GCC2: variants seen among roughly 807,000 people sequenced by gnomAD.
The protein encoded by GCC2 is GRIP and coiled-coil domain-containing protein 2.
GCC2 carries 120 observed loss-of-function variants against 210.6 expected under a neutral mutation model. The ratio of observed to expected loss-of-function variants is 0.57; its 90% CI spans 0.49 to 0.66. GCC2 has a LOEUF of 0.66. GCC2 is among the 30% of genes least tolerant of loss of function. GCC2 has a pLI of 0.00. For synonymous variants in GCC2, 703 were observed against 652.7 expected (o/e 1.08, Z -1.17); for missense variants, 1,868 against 1,871.9 (o/e 1.00, Z 0.04).
At chr2:108,451,906 C>T (rs1230701268) in intron 3 of GCC2, among the ~76,000 whole-genome samples, 2 of 147,574 alleles carry the variant, frequency 1.4e-5, no homozygotes, top group Non-Finnish European at 3.0e-5. Flanking sequence ...TGCAGTGGCG[C>T]AATCTCGGCT....
intron 4 of GCC2, 85 bp from the exon 5 acceptor site, chr2:108,468,895 G>A: frequency 1.2e-6 from 1 of 816,594 alleles, no homozygotes; most frequent in South Asian, 1.5e-5. Flanking sequence ...ACTTCAGTGT[G>A]TTTTGAAAAG....
intron 21 of GCC2, among the ~76,000 whole-genome samples, chr2:108,498,183 CTTTTTTTTTTT>C (rs3084885): frequency 1.7e-4 from 10 of 57,476 alleles, no homozygotes; most frequent in African/African-American, 5.1e-4. Flanking sequence ...GTTATATTTT[CTTTTTTTTTTT>C]TTTTTTTTTT....
Position 108,484,093 on chromosome 2 carries a change from AT to A in GCC2, c.3451-53del, listed in dbSNP as rs1682007630. 3.2e-6 allele frequency: 4 copies of A among 1,243,644 alleles called. No individual in the cohort carries two copies. The Admixed American group carries it at 1.1e-4, about 35-fold the overall frequency. The allele number at this position is 1,243,644 out of a possible 1,614,324, so 77.0% of individuals were successfully genotyped here. A position where few individuals can be genotyped will look rare whatever the true frequency, so the allele number is the denominator to read the frequency against. ...AGCAATTTTACAAATGAAAAAAAAAATTTACAAATGAACTGATCTACTATTG... is the reference window on the plus strand; with the variant it reads ...AGCAATTTTACAAATGAAAAAAAAAATTACAAATGAACTGATCTACTATTG... On this transcript the variant is annotated intron_variant, in intron 12 of 22. Coordinates refer to ENST00000309863, the MANE Select transcript of GCC2 (RefSeq NM_181453.4).
intron 16 of GCC2, among the ~76,000 whole-genome samples, 197 bp from the exon 17 acceptor site, chr2:108,487,502 A>G (rs1682201904): frequency 6.6e-6 from 1 of 152,232 alleles, no homozygotes; most frequent in African/African-American, 2.4e-5. Flanking sequence ...ATTATGTATC[A>G]ATTAAAAAGA....
Position 108,452,453 on chromosome 2 carries a change from G to A in GCC2, c.203G>A (p.Gly68Asp), listed in dbSNP as rs894902332. Residue 68 changes from glycine (G) to aspartate (D), a missense_variant, in exon 4 of 23, where the codon GGT becomes GAT. By Grantham distance (94) the Gly-to-Asp change is moderately conservative (BLOSUM62 -1). Around this residue, in one of 3 missense-constraint regions of GCC2, gnomAD observed 1,847 missense variants for 1,765.2 expected, o/e 1.05. Transcript: ENST00000309863. Reference protein sequence around the residue: ...LRSKPVTEGTGDIIKALTERL... With the variant: ...LRSKPVTEGTDDIIKALTERL... ...TCAAAACCTGTTACTGAAGGAACTGGTGATATTATTAAGGTAATTATTACG... is the reference window on the plus strand; with the variant it reads ...TCAAAACCTGTTACTGAAGGAACTGATGATATTATTAAGGTAATTATTACG... 6 of 1,539,450 alleles carry A rather than the reference G, an allele frequency of 3.9e-6. No homozygotes were observed. The highest frequency in any genetic ancestry group is 5.4e-6 in the Non-Finnish European group (6 of 1,112,674).
In GCC2 at chr2:108,508,893, CTTAA is replaced by C. The variant is rs1252631114; in HGVS notation, c.*1266_*1269del. 1 of 152,626 alleles carries C rather than the reference CTTAA, an allele frequency of 6.6e-6. No homozygotes were observed. Among genetic ancestry groups the C allele is most frequent in the Non-Finnish European group, 1.5e-5 (1 of 68,028 alleles). The allele number at this position is 152,626 out of a possible 1,614,324, so 9.5% of individuals were successfully genotyped here. A position where few individuals can be genotyped will look rare whatever the true frequency, so the allele number is the denominator to read the frequency against. The stretch of plus-strand genomic sequence containing the variant: ...TTCTCTTAAGCCTTCAGTTTATACT[CTTAA>C]TTTAATTTTCTTTCTGAGCTGGAGA... On this transcript the variant is annotated 3_prime_UTR_variant, in exon 23 of 23. Transcript: ENST00000309863.
At chr2:108,497,224 C>G in intron 21 of GCC2, 115 bp downstream of exon 21, 6 of 1,553,446 alleles carry the variant, frequency 3.9e-6, no homozygotes, top group Middle Eastern at 2.3e-4. Context: ...TCACGCCATT[C>G]TCCTGCCTCA....
Position 108,470,405 on chromosome 2 carries a change from A to G in GCC2, c.1076A>G (p.Asn359Ser), listed in dbSNP as rs1481644642. 1.9e-6 allele frequency: 3 copies of G among 1,607,884 alleles called. No homozygotes were observed. The highest frequency in any genetic ancestry group is 1.3e-5 in the African/African-American group (1 of 74,750). ...SILKDEVTYMNNLKLKLEMDA... is the reference protein window; with the variant it reads ...SILKDEVTYMSNLKLKLEMDA... ...TTAAAAGATGAGGTAACTTATATGA[A>G]TAATCTTAAGTTAAAACTTGAAATG... Residue 359 changes from asparagine to serine, a missense_variant, in exon 6 of 23, where the codon AAT becomes AGT. By Grantham distance (46) the Asn-to-Ser change is conservative. Around this residue, in one of 3 missense-constraint regions of GCC2, gnomAD observed 1,847 missense variants for 1,765.2 expected, o/e 1.05. Coordinates refer to ENST00000309863, the MANE Select transcript of GCC2 (RefSeq NM_181453.4).
At chr2:108,449,890 T>C (rs1346893671) in intron 2 of GCC2, 1 of 575,478 alleles carries the variant, frequency 1.7e-6, no homozygotes, top group Non-Finnish European at 3.1e-6. Context: ...TTTTGTTTGC[T>C]TCCTGCTCCT....
At position 108,473,088 on chromosome 2, in the gene GCC2, T is replaced by C. The variant is rs192859604; in HGVS notation, c.2860+189T>C. The C allele has an allele frequency of 6.2e-6, 3 of 481,928 alleles. No individual in the cohort carries two copies. In the Admixed American group the frequency reaches 1.3e-4, roughly 21 times the overall value. 29.9% of individuals were successfully genotyped at this position (481,928 alleles called of 1,614,324 possible). A position where few individuals can be genotyped will look rare whatever the true frequency, so the allele number is the denominator to read the frequency against. ...CTTCTCTTTCAAAAGTGTTACTTTC[T>C]ATTGTTTAACCCAAGCAAGATTGGT... On this transcript the variant is annotated intron_variant, in intron 7 of 22. Transcript: ENST00000309863.
chr2:108,463,112 C>A (rs1158186781), intron 4 of GCC2, among the ~76,000 whole-genome samples: 1 of 151,702 alleles, frequency 6.6e-6, no homozygotes, highest in African/African-American at 2.4e-5. Flanking sequence ...TTTCTGATTT[C>A]TTTGTATTGT....
At chr2:108,483,879 C>T (rs1265439068) in intron 12 of GCC2, among the ~76,000 whole-genome samples, 4 of 152,168 alleles carry the variant, frequency 2.6e-5, no homozygotes, top group Admixed American at 2.6e-4. Flanking sequence ...AAGAGCTCCG[C>T]AAGCTACAGC....
intron 22 of GCC2, among the ~76,000 whole-genome samples, chr2:108,500,756 CCAT>C (rs1312388021): frequency 1.3e-5 from 2 of 152,156 alleles, no homozygotes; most frequent in Non-Finnish European, 2.9e-5. Context: ...GCGTTGTCAC[CCAT>C]CTCTAAGTTT....
chr2:108,480,370 T>C (rs1052480554), intron 9 of GCC2, among the ~76,000 whole-genome samples: 3 of 152,090 alleles, frequency 2.0e-5, no homozygotes, highest in Non-Finnish European at 2.9e-5. Flanking sequence ...AAAACAGAAA[T>C]ACCATTTGAC....
At chr2:108,498,962 C>T (rs1398173006) in intron 21 of GCC2, among the ~76,000 whole-genome samples, 2 of 149,388 alleles carry the variant, frequency 1.3e-5, no homozygotes, top group Non-Finnish European at 3.0e-5. Context: ...ACCCATGGCT[C>T]CAGTTAGTTG....
chr2:108,488,688 G>A (rs1018541751), intron 17 of GCC2, among the ~76,000 whole-genome samples: 1 of 152,154 alleles, frequency 6.6e-6, no homozygotes, highest in African/African-American at 2.4e-5. Flanking sequence ...GATCCTGTTT[G>A]TACTGGGAGT....
intron 9 of GCC2, among the ~76,000 whole-genome samples, chr2:108,479,301 T>C (rs765889927): frequency 5.9e-5 from 9 of 152,166 alleles, no homozygotes; most frequent in Non-Finnish European, 1.2e-4. Flanking sequence ...ATTGACCATG[T>C]GTAAATGAGA....
At chr2:108,452,785 C>A (rs1030777244) in intron 4 of GCC2, among the ~76,000 whole-genome samples, 1 of 149,838 alleles carries the variant, frequency 6.7e-6, no homozygotes, top group Admixed American at 6.7e-5. Context: ...CCTCTGCCTC[C>A]CGAGTTCAAG....
In GCC2 at chr2:108,495,224, T is replaced by C. The variant is rs377614130; in HGVS notation, c.4448-67T>C. 442 of 914,346 alleles carry C rather than the reference T, an allele frequency of 4.8e-4. 2 individuals carry two copies. Among genetic ancestry groups the C allele is most frequent in the Middle Eastern group, 2.8e-3 (8 of 2,844 alleles). The allele number at this position is 914,346 out of a possible 1,614,324, so 56.6% of individuals were successfully genotyped here. A position where few individuals can be genotyped will look rare whatever the true frequency, so the allele number is the denominator to read the frequency against. On this transcript the variant is annotated intron_variant, in intron 19 of 22. Transcript: ENST00000309863. ...TTTGATATTTTCATTTTATTGTGTA[T>C]CTCTGTAAGGCCAAATCAATAGATT... is the stretch of plus-strand genomic sequence containing the variant.
Sources: allele counts gnomAD v4.1 joint callset (sites outside exome capture counted in the v4.1 genomes callset), GRCh38; gene constraint gnomAD v4.1.1; regional missense constraint gnomAD v4.1.1; transcripts MANE v1.5; gene names NCBI Gene and HGNC (gene_info 2026-07-23, HGNC 2026-07-21).